CSGALNACT1: variants seen among roughly 807,000 people sequenced by gnomAD.
CSGALNACT1 encodes beta4GalNAcT-1.
In CSGALNACT1, 52 loss-of-function variants were observed where a neutral mutation model predicts 51.0. The observed-to-expected ratio is 1.02, with a 90% CI of 0.82 to 1.29. The LOEUF (loss-of-function observed/expected upper bound fraction) is 1.29. Ranked by LOEUF, CSGALNACT1 falls within the 50% of genes most tolerant of loss-of-function variation. The probability of loss-of-function intolerance (pLI) is 0.00; values close to 1 mark genes in which losing one functional copy is unlikely to be tolerated. For synonymous variants in CSGALNACT1, 341 were observed against 254.4 expected (o/e 1.34, Z -3.24); for missense variants, 935 against 679.2 (o/e 1.38, Z -4.19).
At chr8:19,543,530 G>A (rs993378190) in intron 3 of CSGALNACT1, among the ~76,000 whole-genome samples, 2 of 152,162 alleles carry the variant, frequency 1.3e-5, no homozygotes, top group African/African-American at 4.8e-5. Context: ...TATTTGGCAG[G>A]GGTTGCTACA....
chr8:19,468,937 G>C (rs1372026631), intron 4 of CSGALNACT1, among the ~76,000 whole-genome samples: 1 of 152,160 alleles, frequency 6.6e-6, no homozygotes, highest in African/African-American at 2.4e-5. Context: ...CAAACCTTCA[G>C]GTGCACAGTG....
chr8:19,615,070 G>T (rs964257520), intron 1 of CSGALNACT1, among the ~76,000 whole-genome samples: 1 of 152,162 alleles, frequency 6.6e-6, no homozygotes, highest in African/African-American at 2.4e-5. Flanking sequence ...CACACTTTGG[G>T]AGGTCGAATG....
chr8:19,753,595 A>G (rs1482626793), intron 1 of CSGALNACT1, among the ~76,000 whole-genome samples: 1 of 152,190 alleles, frequency 6.6e-6, no homozygotes, highest in Admixed American at 6.5e-5. Context: ...TGGTTTTGAT[A>G]TATTGAGTGC....
chr8:19,735,609 T>C (rs988107829), intron 1 of CSGALNACT1, among the ~76,000 whole-genome samples: 12 of 152,156 alleles, frequency 7.9e-5, no homozygotes. Flanking sequence ...TTTAAGTGTA[T>C]GGCAAAAGAC....
At chr8:19,635,546 C>G (rs559064127) in intron 1 of CSGALNACT1, among the ~76,000 whole-genome samples, 1 of 152,286 alleles carries the variant, frequency 6.6e-6, no homozygotes, top group African/African-American at 2.4e-5. Context: ...GTTGCCTCCC[C>G]CTTGTCTGTA....
intron 1 of CSGALNACT1, among the ~76,000 whole-genome samples, chr8:19,675,454 G>A (rs368520006): frequency 6.6e-6 from 1 of 152,088 alleles, no homozygotes; most frequent in East Asian, 1.9e-4. Context: ...ACCACAGAGA[G>A]GAGAGAGCTG....
chr8:19,464,391 G>A (rs2066209585), intron 4 of CSGALNACT1, among the ~76,000 whole-genome samples: 1 of 152,116 alleles, frequency 6.6e-6, no homozygotes, highest in African/African-American at 2.4e-5. Flanking sequence ...ACAGAATAAA[G>A]TATCGATACC....
intron 1 of CSGALNACT1, among the ~76,000 whole-genome samples, chr8:19,625,884 T>G (rs1262380110): frequency 6.6e-6 from 1 of 152,194 alleles, no homozygotes; most frequent in African/African-American, 2.4e-5. Flanking sequence ...AAAAAAAGTC[T>G]ACATTTTCTC....
chr8:19,513,436 C>CTATATATATATATATATATATA (rs1554650175), intron 3 of CSGALNACT1, among the ~76,000 whole-genome samples: 69 of 81,928 alleles, frequency 8.4e-4, no homozygotes, highest in Non-Finnish European at 1.3e-3. Context: ...CTCTCTCTCT[C>CTATATATATATATATATATATA]TATATATATA....
chr8:19,688,808 T>G (rs150863410), intron 1 of CSGALNACT1: 1,541 of 152,646 alleles, frequency 0.01, 13 homozygotes, highest in Non-Finnish European at 0.013. Flanking sequence ...CAGTCTGACT[T>G]CCATCCCTAC....
intron 4 of CSGALNACT1, among the ~76,000 whole-genome samples, chr8:19,461,078 A>G (rs895289068): frequency 1.3e-5 from 2 of 152,296 alleles, no homozygotes; most frequent in South Asian, 4.1e-4. Flanking sequence ...GCCTTCACCA[A>G]TGCGTTGAGT....
At chr8:19,418,592 T>G in intron 8 of CSGALNACT1, 64 bp downstream of exon 7, 1 of 1,059,516 alleles carries the variant, frequency 9.4e-7, no homozygotes, top group East Asian at 2.4e-5. Context: ...CATGGTCAGG[T>G]ACCCCTGGTA....
chr8:19,514,194 C>A (rs1563838243), intron 3 of CSGALNACT1, among the ~76,000 whole-genome samples: 1 of 151,974 alleles, frequency 6.6e-6, no homozygotes, highest in Non-Finnish European at 1.5e-5. Flanking sequence ...ACAGGGGTCC[C>A]ACTGGGGAGT....
intron 1 of CSGALNACT1, among the ~76,000 whole-genome samples, chr8:19,756,586 C>T (rs1032818719): frequency 6.6e-6 from 1 of 151,816 alleles, no homozygotes; most frequent in African/African-American, 2.4e-5. Flanking sequence ...CCCCATCCCA[C>T]CCCAAGATCA....
At chr8:19,661,550 C>T (rs140178275) in intron 1 of CSGALNACT1, among the ~76,000 whole-genome samples, 146 of 152,338 alleles carry the variant, frequency 9.6e-4, no homozygotes, top group Non-Finnish European at 1.7e-3. Context: ...TTCTGTAATA[C>T]AGTACTATTC....
chr8:19,466,931 G>A (rs574733866), intron 4 of CSGALNACT1, among the ~76,000 whole-genome samples: 1 of 152,228 alleles, frequency 6.6e-6, no homozygotes, highest in African/African-American at 2.4e-5. Context: ...GCGACTGGTA[G>A]ACTTGCTGAA....
At chr8:19,566,741 A>C (rs2041979530) in intron 3 of CSGALNACT1, among the ~76,000 whole-genome samples, 1 of 152,210 alleles carries the variant, frequency 6.6e-6, no homozygotes, top group African/African-American at 2.4e-5. Context: ...ATCTGAAAAT[A>C]CAAGATTAAA....
chr8:19,437,356 A>G (rs1295903684), intron 6 of CSGALNACT1, among the ~76,000 whole-genome samples: 5 of 152,136 alleles, frequency 3.3e-5, no homozygotes, highest in African/African-American at 1.2e-4. Context: ...GTGAGTCGTA[A>G]AGACAGGATT....
chr8:19,464,745 G>A (rs1488676496), intron 4 of CSGALNACT1, among the ~76,000 whole-genome samples: 1 of 152,132 alleles, frequency 6.6e-6, no homozygotes, highest in African/African-American at 2.4e-5. Context: ...CTGATGATCT[G>A]AGATGTAACA....
Sources: gnomAD v4.1 joint callset for allele counts (sites outside exome capture counted in the v4.1 genomes callset) on GRCh38, gnomAD v4.1.1 for gene constraint, MANE v1.5 for transcripts, NCBI Gene and HGNC (gene_info 2026-07-23, HGNC 2026-07-21) for gene names.